KCND2: variants seen among roughly 807,000 people sequenced by gnomAD.
The protein encoded by KCND2 is A-type voltage-gated potassium channel KCND2.
Under a neutral mutation model 54.4 loss-of-function variants are expected in KCND2, and 16 were observed. The observed-to-expected ratio is 0.29, with a 90% CI of 0.20 to 0.45. The LOEUF is 0.45. Among genes scored for constraint, KCND2 ranks in the 20% least tolerant of loss-of-function variants. KCND2 has a pLI of 1.00. For synonymous variants in KCND2, 317 were observed against 310.7 expected (o/e 1.02, Z -0.21); for missense variants, 486 against 824.2 (o/e 0.59, Z 5.02).
intron 1 of KCND2, among the ~76,000 whole-genome samples, chr7:120,600,276 C>CT (rs1792798025): frequency 6.6e-6 from 1 of 151,848 alleles, no homozygotes; most frequent in African/African-American, 2.4e-5. Flanking sequence ...TACCAAAAAG[C>CT]TTTTTTAGTC....
chr7:120,328,599 G>A (rs570755178), intron 1 of KCND2, among the ~76,000 whole-genome samples: 2 of 152,242 alleles, frequency 1.3e-5, no homozygotes, highest in Admixed American at 1.3e-4. Flanking sequence ...TAATGAATGA[G>A]TGAGTGAATT....
intron 1 of KCND2, among the ~76,000 whole-genome samples, chr7:120,394,413 T>A (rs1224214277): frequency 1.3e-5 from 2 of 151,888 alleles, no homozygotes; most frequent in Admixed American, 1.3e-4. Context: ...AAAAGACCAC[T>A]TTTAGGTTCT....
chr7:120,588,701 A>T (rs557686612), intron 1 of KCND2, among the ~76,000 whole-genome samples: 46 of 152,280 alleles, frequency 3.0e-4, no homozygotes, highest in African/African-American at 1.0e-3. Flanking sequence ...ACCAATTACA[A>T]TGAAAACTCT....
At chr7:120,651,374 C>T (rs980657825) in intron 1 of KCND2, among the ~76,000 whole-genome samples, 3 of 152,088 alleles carry the variant, frequency 2.0e-5, no homozygotes, top group African/African-American at 4.8e-5. Flanking sequence ...ACTGCTGTGC[C>T]AGCAATGAGT....
At chr7:120,499,459 A>G (rs1190047780) in intron 1 of KCND2, among the ~76,000 whole-genome samples, 2 of 152,054 alleles carry the variant, frequency 1.3e-5, no homozygotes, top group African/African-American at 4.8e-5. Context: ...TATTTTGTGC[A>G]CTGTGTTTGG....
chr7:120,695,478 G>T (rs575991660), intron 1 of KCND2, among the ~76,000 whole-genome samples: 2 of 152,250 alleles, frequency 1.3e-5, no homozygotes, highest in Non-Finnish European at 2.9e-5. Flanking sequence ...CCAGTGGATT[G>T]TCACATAAGC....
At chr7:120,403,190 A>G (rs1584764258) in intron 1 of KCND2, among the ~76,000 whole-genome samples, 1 of 152,276 alleles carries the variant, frequency 6.6e-6, no homozygotes, top group Non-Finnish European at 1.5e-5. Context: ...CCAAGTTCCT[A>G]AAAGAGAGAA....
At chr7:120,571,101 A>G (rs1584833084) in intron 1 of KCND2, among the ~76,000 whole-genome samples, 1 of 152,084 alleles carries the variant, frequency 6.6e-6, no homozygotes, top group East Asian at 1.9e-4. Flanking sequence ...CTTCACTGAA[A>G]CAGATCGTGT....
At chr7:120,376,829 G>A (rs1421030876) in intron 1 of KCND2, among the ~76,000 whole-genome samples, 1 of 151,836 alleles carries the variant, frequency 6.6e-6, no homozygotes. Flanking sequence ...TATGTTAATT[G>A]TGTTCTTTAA....
intron 1 of KCND2, among the ~76,000 whole-genome samples, chr7:120,609,116 A>AT (rs796627513): frequency 2.4e-4 from 36 of 149,920 alleles, no homozygotes; most frequent in South Asian, 1.5e-3. Flanking sequence ...TAATGTTCTG[A>AT]TTTTTTTTTT....
At chr7:120,344,243 A>C (rs534564415) in intron 1 of KCND2, among the ~76,000 whole-genome samples, 1 of 152,186 alleles carries the variant, frequency 6.6e-6, no homozygotes. Context: ...GTGGATATAC[A>C]TTAGAAAACA....
chr7:120,715,197 A>G (rs1009344574), intron 1 of KCND2, among the ~76,000 whole-genome samples: 6 of 152,042 alleles, frequency 3.9e-5, no homozygotes, highest in African/African-American at 1.4e-4. Context: ...TTTTTACAGT[A>G]AGACTGTTTC....
intron 1 of KCND2, among the ~76,000 whole-genome samples, chr7:120,595,189 G>C (rs979606875): frequency 6.6e-6 from 1 of 151,816 alleles, no homozygotes; most frequent in East Asian, 1.9e-4. Context: ...GGTGGCTCAT[G>C]CTTGTAATAC....
chr7:120,679,551 A>G (rs1228095697), intron 1 of KCND2, among the ~76,000 whole-genome samples: 1 of 152,088 alleles, frequency 6.6e-6, no homozygotes, highest in Non-Finnish European at 1.5e-5. Context: ...TCACAAAAGT[A>G]GACAATCCTG....
chr7:120,746,887 T>C (rs1163313395), intron 5 of KCND2: 1 of 152,100 alleles, frequency 6.6e-6, no homozygotes, highest in African/African-American at 2.4e-5. Context: ...TTGATTTACA[T>C]AAATTGGATG....
At chr7:120,438,637 A>G (rs1343831791) in intron 1 of KCND2, among the ~76,000 whole-genome samples, 1 of 152,170 alleles carries the variant, frequency 6.6e-6, no homozygotes, top group Non-Finnish European at 1.5e-5. Flanking sequence ...TAATAAAACC[A>G]TATGATGTAC....
intron 1 of KCND2, among the ~76,000 whole-genome samples, chr7:120,456,460 A>T (rs539815938): frequency 6.6e-6 from 1 of 152,324 alleles, no homozygotes; most frequent in East Asian, 1.9e-4. Flanking sequence ...GTTTTACAAC[A>T]TTAATACCTT....
chr7:120,667,408 C>T (rs930606819), intron 1 of KCND2, among the ~76,000 whole-genome samples: 1 of 151,898 alleles, frequency 6.6e-6, no homozygotes, highest in African/African-American at 2.4e-5. Flanking sequence ...TTTGGGGTAT[C>T]CTGTTGTCTT....
intron 1 of KCND2, among the ~76,000 whole-genome samples, chr7:120,473,150 A>G (rs1038953082): frequency 6.6e-6 from 1 of 151,962 alleles, no homozygotes; most frequent in Non-Finnish European, 1.5e-5. Flanking sequence ...GAGGGAGAAA[A>G]CCATGGTTCT....
Sources: allele counts gnomAD v4.1 joint callset (sites outside exome capture counted in the v4.1 genomes callset), GRCh38; gene constraint gnomAD v4.1.1; transcripts MANE v1.5; gene names NCBI Gene and HGNC (gene_info 2026-07-23, HGNC 2026-07-21).